The following ARHGAP5 variants were observed in gnomAD, a reference collection of about 807,000 sequenced individuals.
The protein encoded by ARHGAP5 is rho GTPase-activating protein 5.
ARHGAP5 carries 23 observed loss-of-function variants against 116.6 expected under a neutral mutation model. The observed-to-expected ratio is 0.20, with a 90% CI of 0.14 to 0.28. ARHGAP5 has a LOEUF of 0.28. ARHGAP5 is among the 10% of genes least tolerant of loss of function. ARHGAP5 has a pLI of 1.00. For missense variants in ARHGAP5, 1,405 were observed against 1,774.8 expected, an observed-to-expected ratio of 0.79 and a Z score of 3.74; for synonymous variants, 574 against 602.0, an observed-to-expected ratio of 0.95 and a Z score of 0.68.
Position 32,090,904 on chromosome 14 carries a change from A to ATAC in ARHGAP5, c.236_238dup (p.Ile79_Gln80insLeu). The ATAC allele has an allele frequency of 6.2e-7, 1 of 1,613,668 alleles. No individual in the cohort carries two copies. Among genetic ancestry groups the ATAC allele is most frequent in the Non-Finnish European group, 8.5e-7 (1 of 1,179,636 alleles). On this transcript the variant is annotated inframe_insertion, in exon 2 of 7. Coordinates refer to ENST00000345122, the MANE Select transcript of ARHGAP5 (RefSeq NM_001030055.2). ...TCACTTTTTGTACTGGGGTGACATA[A>ATAC]TACAAAATAGTGAAGATGGAGTAGA...
chr14:32,098,208 CATATA>C (rs757341373), intron 2 of ARHGAP5, among the ~76,000 whole-genome samples: 8 of 152,164 alleles, frequency 5.3e-5, no homozygotes, highest in Admixed American at 6.5e-5. Flanking sequence ...CTCATTCTAT[CATATA>C]ATATAAAACT....
chr14:32,098,690 G>A (rs1878648101), intron 2 of ARHGAP5, among the ~76,000 whole-genome samples: 1 of 152,196 alleles, frequency 6.6e-6, no homozygotes, highest in Non-Finnish European at 1.5e-5. Flanking sequence ...TAGACCATAT[G>A]TAAACCGATG....
chr14:32,083,419 T>G (rs1403328701), intron 1 of ARHGAP5, among the ~76,000 whole-genome samples: 1 of 152,268 alleles, frequency 6.6e-6, no homozygotes, highest in Non-Finnish European at 1.5e-5. Flanking sequence ...TGACAGACAC[T>G]GTGCAGCATG....
Position 32,093,049 on chromosome 14 carries a change from C to G in ARHGAP5, c.2380C>G (p.Leu794Val). 1.2e-6 allele frequency: 2 copies of G among 1,614,000 alleles called. No homozygotes were observed. The highest frequency in any genetic ancestry group is 1.7e-6 in the Non-Finnish European group (2 of 1,179,940). ...GTGTGGAGATCCATTTAGTGTGGAT[C>G]TTATTCTTTCACCCTTCCTTGATTC... ...AMCGDPFSVD[L>V]ILSPFLDSHS... The change falls in exon 2 of 7, where the codon CTT (leucine) becomes GTT (valine). Residue 794 changes from leucine to valine, a missense_variant. This residue lies in a region of ARHGAP5 where 944 missense variants were observed against 1,095.3 expected (regional missense o/e 0.86). Transcript: ENST00000345122.
At position 32,094,125 on chromosome 14, in the gene ARHGAP5, A is replaced by T. The variant is rs1173273693; in HGVS notation, c.3456A>T (p.Lys1152Asn). The change falls in exon 2 of 7, where the codon AAA (lysine) becomes AAT (asparagine). Residue 1152 changes from lysine to asparagine, a missense_variant. Around this residue, in one of 6 missense-constraint regions of ARHGAP5, gnomAD observed 944 missense variants for 1,095.3 expected, o/e 0.86. Coordinates refer to ENST00000345122, the MANE Select transcript of ARHGAP5 (RefSeq NM_001030055.2). ...SKSHGERRPSKYKYKSKTLFS... is the reference protein window; with the variant it reads ...SKSHGERRPSNYKYKSKTLFS... ...GTCATGGGGAACGGAGGCCTTCAAA[A>T]TACAAATATAAATCTAAAACCTTGT... The T allele has an allele frequency of 6.2e-7, 1 of 1,613,876 alleles. No homozygotes were observed. Among genetic ancestry groups the T allele is most frequent in the Non-Finnish European group, 8.5e-7 (1 of 1,179,942 alleles).
intron 1 of ARHGAP5, among the ~76,000 whole-genome samples, chr14:32,089,752 A>G (rs544140906): frequency 1.3e-5 from 2 of 151,934 alleles, no homozygotes; most frequent in South Asian, 2.1e-4. Flanking sequence ...AGTTTCTTGA[A>G]TCTAATAAAA....
chr14:32,133,281 C>T (rs1258286772), intron 3 of ARHGAP5, among the ~76,000 whole-genome samples: 1 of 152,138 alleles, frequency 6.6e-6, no homozygotes, highest in African/African-American at 2.4e-5. Flanking sequence ...GTTTGTAGTT[C>T]TCCTTGAAGA....
At chr14:32,085,005 T>TA (rs1010213524) in intron 1 of ARHGAP5, among the ~76,000 whole-genome samples, 15 of 151,240 alleles carry the variant, frequency 9.9e-5, no homozygotes, top group Admixed American at 1.3e-4. Flanking sequence ...ACACCCTATT[T>TA]AAAAAAAAAG....
chr14:32,149,505 C>T (rs898361342), intron 4 of ARHGAP5, among the ~76,000 whole-genome samples: 2 of 152,118 alleles, frequency 1.3e-5, no homozygotes, highest in Non-Finnish European at 2.9e-5. Flanking sequence ...CGCCGTGGCT[C>T]ATGCCTGTAA....
intron 1 of ARHGAP5, among the ~76,000 whole-genome samples, chr14:32,078,027 A>G (rs1263465635): frequency 6.6e-6 from 1 of 151,998 alleles, no homozygotes; most frequent in Non-Finnish European, 1.5e-5. Flanking sequence ...AGATATGAGA[A>G]GTTGCACTGC....
At chr14:32,096,516 C>G (rs767562277) in intron 2 of ARHGAP5, among the ~76,000 whole-genome samples, 3 of 152,102 alleles carry the variant, frequency 2.0e-5, no homozygotes, top group Non-Finnish European at 4.4e-5. Context: ...ACAGATAGAT[C>G]AGATTAAAAG....
At position 32,117,182 on chromosome 14, in the gene ARHGAP5, A is replaced by T; in HGVS notation, c.3760A>T (p.Asn1254Tyr). Residue 1254 changes from asparagine (N) to tyrosine (Y), a missense_variant, in exon 3 of 7, where the codon AAT becomes TAT. Physicochemically the swap from Asn to Tyr is moderately radical, Grantham distance 143 (BLOSUM62 -2). Coordinates refer to ENST00000345122, the MANE Select transcript of ARHGAP5 (RefSeq NM_001030055.2). ...GAACTTCAATCCACCAACACGTAGAAATTGGGAAAGTAATTACTTTGGGAT... is the reference window on the plus strand; with the variant it reads ...GAACTTCAATCCACCAACACGTAGATATTGGGAAAGTAATTACTTTGGGAT... ...TKNFNPPTRRNWESNYFGMPL... is the reference protein window; with the variant it reads ...TKNFNPPTRRYWESNYFGMPL... The T allele has an allele frequency of 3.1e-6, 5 of 1,612,038 alleles. No homozygotes were observed. Among genetic ancestry groups the T allele is most frequent in the Non-Finnish European group, 4.2e-6 (5 of 1,178,880 alleles).
chr14:32,151,936 T>A (rs1381527264), intron 5 of ARHGAP5, among the ~76,000 whole-genome samples: 1 of 152,188 alleles, frequency 6.6e-6, no homozygotes. Flanking sequence ...TTTCTTAATT[T>A]ACATAATTTA....
intron 3 of ARHGAP5, among the ~76,000 whole-genome samples, chr14:32,133,931 C>T (rs769376093): frequency 6.6e-5 from 10 of 151,904 alleles, no homozygotes; most frequent in Non-Finnish European, 1.2e-4. Flanking sequence ...CAGGGATGTC[C>T]AATCAATAGA....
At chr14:32,125,857 C>T (rs1195286768) in intron 3 of ARHGAP5, among the ~76,000 whole-genome samples, 1 of 151,906 alleles carries the variant, frequency 6.6e-6, no homozygotes, top group African/African-American at 2.4e-5. Flanking sequence ...AAATTTATTC[C>T]TAGGTATTTT....
At chr14:32,142,298 G>A (rs1179054284) in intron 3 of ARHGAP5, among the ~76,000 whole-genome samples, 1 of 151,784 alleles carries the variant, frequency 6.6e-6, no homozygotes, top group African/African-American at 2.4e-5. Context: ...CTACTTTCTT[G>A]TTTCTTTGTA....
At chr14:32,143,542 C>T (rs1437867990) in intron 3 of ARHGAP5, among the ~76,000 whole-genome samples, 1 of 152,026 alleles carries the variant, frequency 6.6e-6, no homozygotes, top group Non-Finnish European at 1.5e-5. Context: ...CCGTGCCCAG[C>T]CAAAAGGCAA....
In ARHGAP5 at chr14:32,086,911, A is replaced by T. The variant is rs146878246; in HGVS notation, c.-168-3591A>T. On this transcript the variant is annotated intron_variant, in intron 1 of 6. Transcript: ENST00000345122. ...GCTATTAAAAGCAGCACTATTGCTT[A>T]AAAAAGTAAAAGATTGGGAATGAAG... is the stretch of plus-strand genomic sequence containing the variant. 4.8e-4 allele frequency among the ~76,000 whole-genome samples: 72 copies of T among 150,802 alleles called. 2 individuals are homozygous for T. The highest frequency in any genetic ancestry group is 1.6e-3 in the African/African-American group (65 of 40,150).
intron 3 of ARHGAP5, among the ~76,000 whole-genome samples, chr14:32,120,531 A>C (rs2139077723): frequency 6.6e-6 from 1 of 151,588 alleles, no homozygotes; most frequent in South Asian, 2.1e-4. Flanking sequence ...ATTTTCCTCT[A>C]AGCATTGTTT....
Sources: allele counts gnomAD v4.1 joint callset (sites outside exome capture counted in the v4.1 genomes callset), GRCh38; gene constraint gnomAD v4.1.1; regional missense constraint gnomAD v4.1.1; transcripts MANE v1.5; gene names NCBI Gene and HGNC (gene_info 2026-07-23, HGNC 2026-07-21).